The following SERINC2 variants were observed in gnomAD, a reference collection of about 807,000 sequenced individuals.
SERINC2 encodes the protein tumor differentially expressed protein 2.
SERINC2 carries 56 observed loss-of-function variants against 54.2 expected under a neutral mutation model. The ratio of observed to expected loss-of-function variants is 1.03; its 90% CI spans 0.83 to 1.29. SERINC2 has a LOEUF of 1.29. SERINC2 is among the 50% of genes most tolerant of loss of function. The pLI is 0.00. For missense variants in SERINC2, 614 were observed against 607.4 expected (o/e 1.01, Z -0.12); for synonymous variants, 272 against 253.1 (o/e 1.07, Z -0.71).
intron 3 of SERINC2, 152 bp downstream of exon 3, chr1:31,425,025 C>T: frequency 1.5e-6 from 1 of 673,540 alleles, no homozygotes; most frequent in Non-Finnish European, 2.5e-6. Context: ...ATCCATTTCT[C>T]AGATGAAGAG....
intron 1 of SERINC2, chr1:31,414,010 T>A: frequency 6.6e-7 from 1 of 1,526,564 alleles, no homozygotes; most frequent in Non-Finnish European, 8.7e-7. Flanking sequence ...GCGCGGAGAC[T>A]GGGATGGGAG....
upstream of SERINC2, chr1:31,410,579 C>T (rs1640631400): frequency 2.6e-6 from 3 of 1,154,530 alleles, no homozygotes; most frequent in Non-Finnish European, 3.6e-6. Context: ...TTTACACATA[C>T]AGTCATCTTA....
intron 1 of SERINC2, among the ~76,000 whole-genome samples, chr1:31,417,826 G>A (rs1422756820): frequency 7.6e-6 from 1 of 131,278 alleles, no homozygotes; most frequent in Non-Finnish European, 1.6e-5. Context: ...GTTCATCCAT[G>A]TTATAGCATG....
At chr1:31,431,807 GGGTGGAC>G (rs1553134518) in intron 8 of SERINC2, among the ~76,000 whole-genome samples, 4 of 144,902 alleles carry the variant, frequency 2.8e-5, no homozygotes, top group Admixed American at 6.8e-5. Context: ...AGGGTGGACA[GGGTGGAC>G]AGGGTGGATA....
At chr1:31,414,362 G>A (rs1640723689) in intron 1 of SERINC2, 4 of 1,265,990 alleles carry the variant, frequency 3.2e-6, no homozygotes, top group African/African-American at 1.6e-5. Flanking sequence ...CCCTGAGAGG[G>A]AGAAGGGGCT....
intron 1 of SERINC2, 80 bp from the exon 2 acceptor site, chr1:31,423,613 G>T: frequency 6.9e-7 from 1 of 1,449,694 alleles, no homozygotes. Context: ...GCACAGATGC[G>T]CCGACCTCTG....
chr1:31,423,938 G>C, intron 2 of SERINC2, 84 bp downstream of exon 2: 1 of 1,340,330 alleles, frequency 7.5e-7, no homozygotes, highest in South Asian at 1.3e-5. Context: ...TGGGGTCACA[G>C]CTTATCCAGA....
chr1:31,434,367 G>A lies in SERINC2; in HGVS notation c.*168G>A, dbSNP rs868931752. 1.5e-6 allele frequency: 1 copy of A among 660,224 alleles called. No homozygotes were observed. The allele number at this position is 660,224 out of a possible 1,614,324, so 40.9% of individuals were successfully genotyped here. A position where few individuals can be genotyped will look rare whatever the true frequency, so the allele number is the denominator to read the frequency against. On this transcript the variant is annotated 3_prime_UTR_variant, in exon 10 of 10. Transcript: ENST00000373709. ...GGGCCTTCTAGTCGTAGTGCCTTCA[G>A]GGTCCGAGGAGCATCAGGCTCCTGC...
Position 31,423,781 on chromosome 1 carries a change from C to A in SERINC2, c.128C>A (p.Thr43Lys), listed in dbSNP as rs782290822. The change falls in exon 2 of 10, where the codon ACG becomes AAG. Residue 43 changes from threonine (T) to lysine (K), a missense_variant. Physicochemically the swap from Thr to Lys is moderately conservative, Grantham distance 78. Transcript: ENST00000373709. ...TCCACCGTGAGCCGCCTCATCTTCA[C>A]GTTCTTCCTCTTCCTGGGGGTGCTG... ...RNSTVSRLIF[T>K]FFLFLGVLVS... 1.2e-6 allele frequency: 2 copies of A among 1,614,046 alleles called. No homozygotes were observed. The highest frequency in any genetic ancestry group is 2.2e-5 in the East Asian group (1 of 44,874).
chr1:31,432,021 C>CAGGGTGGATAGGGTGGAT (rs1641260997), intron 8 of SERINC2, among the ~76,000 whole-genome samples: 1 of 12,864 alleles, frequency 7.8e-5, no homozygotes, highest in Admixed American at 7.8e-4. Context: ...ATAGGGTGGA[C>CAGGGTGGATAGGGTGGAT]AGGGTGGACA....
At chr1:31,415,972 G>A (rs782377071) in intron 1 of SERINC2, 176 of 928,704 alleles carry the variant, frequency 1.9e-4, no homozygotes, top group Non-Finnish European at 1.7e-4. Flanking sequence ...CAGGCAAGCC[G>A]CCGGCACATG....
intron 4 of SERINC2, 38 bp downstream of exon 4, chr1:31,425,447 G>A: frequency 7.0e-7 from 1 of 1,437,224 alleles, no homozygotes; most frequent in Non-Finnish European, 9.8e-7. Flanking sequence ...GGGCTGTGGG[G>A]AGGGAAGTGG....
Position 31,413,605 on chromosome 1 carries a change from G to A in SERINC2, c.39+301G>A, listed in dbSNP as rs1455398925. Reference sequence around the variant, plus strand: ...CCCTCCTGGGACCTGGAGAGACTAAGCCTGGAGCCCGGGGTCGGGGCAGCT... The same window carrying A: ...CCCTCCTGGGACCTGGAGAGACTAAACCTGGAGCCCGGGGTCGGGGCAGCT... On this transcript the variant is annotated intron_variant, in intron 1 of 9. Coordinates refer to ENST00000373709, the MANE Select transcript of SERINC2 (RefSeq NM_178865.5). This position sits in a 1 kb window ranked among gnomAD's most constrained non-coding sequence, Gnocchi z 5.0. Among the ~76,000 whole-genome samples, 2 of 151,952 alleles carry A rather than the reference G, an allele frequency of 1.3e-5. No homozygotes were observed. The highest frequency in any genetic ancestry group is 2.4e-5 in the African/African-American group (1 of 41,412).
chr1:31,429,644 C>T, intron 8 of SERINC2, 106 bp downstream of exon 8: 1 of 1,226,704 alleles, frequency 8.2e-7, no homozygotes. Flanking sequence ...GTGCTCTTCA[C>T]ATTCAATATA....
intron 2 of SERINC2, among the ~76,000 whole-genome samples, chr1:31,424,461 T>C (rs1294587728): frequency 6.6e-6 from 1 of 152,150 alleles, no homozygotes; most frequent in African/African-American, 2.4e-5. Flanking sequence ...AAGATGTAAC[T>C]GGGGAGCTCC....
At chr1:31,425,539 C>T (rs1160164726) in intron 4 of SERINC2, 130 bp downstream of exon 4, 1 of 893,706 alleles carries the variant, frequency 1.1e-6, no homozygotes, top group Non-Finnish European at 1.8e-6. Flanking sequence ...TCCTCGCTCC[C>T]CACCCGTGAG....
chr1:31,432,565 T>C (rs1202651030), intron 8 of SERINC2, among the ~76,000 whole-genome samples: 1 of 152,176 alleles, frequency 6.6e-6, no homozygotes, highest in Non-Finnish European at 1.5e-5. Flanking sequence ...CCTGGTATGG[T>C]ACTTTGTAGT....
At chr1:31,432,844 G>A in intron 8 of SERINC2, 123 bp from the exon 9 acceptor site, 1 of 711,952 alleles carries the variant, frequency 1.4e-6, no homozygotes, top group Non-Finnish European at 2.3e-6. Context: ...AGGCAAAGCA[G>A]TTTGTTAACT....
intron 6 of SERINC2, 150 bp from the exon 7 acceptor site, chr1:31,428,828 G>A (rs1373893622): frequency 3.0e-6 from 2 of 666,060 alleles, no homozygotes; most frequent in African/African-American, 3.6e-5. Flanking sequence ...TGGGTGGTAG[G>A]TGGCCTGCTT....
Sources: allele counts gnomAD v4.1 joint callset (sites outside exome capture counted in the v4.1 genomes callset), GRCh38; gene constraint gnomAD v4.1.1; non-coding constraint Gnocchi (gnomAD v3.1); transcripts MANE v1.5; gene names NCBI Gene and HGNC (gene_info 2026-07-23, HGNC 2026-07-21).